Variants in TAFA1 observed in about 807,000 individuals in gnomAD.
TAFA1 encodes chemokine-like protein TAFA-1.
Under a neutral mutation model 18.5 loss-of-function variants are expected in TAFA1, and 4 were observed. The ratio of observed to expected loss-of-function variants is 0.22; its 90% CI spans 0.11 to 0.49. TAFA1 has a LOEUF of 0.49. Ranked by LOEUF, TAFA1 falls within the 20% of genes least tolerant of loss-of-function variation. The pLI is 0.98. For synonymous variants in TAFA1, 56 were observed against 55.2 expected, an observed-to-expected ratio of 1.01 and a Z score of -0.06; for missense variants, 147 against 169.0, an observed-to-expected ratio of 0.87 and a Z score of 0.72.
chr3:68,174,197 G>A (rs568684811), intron 2 of TAFA1, among the ~76,000 whole-genome samples: 1 of 152,192 alleles, frequency 6.6e-6, no homozygotes, highest in Non-Finnish European at 1.5e-5. Flanking sequence ...CTGAAAAATG[G>A]TGGTTGGTAT....
At chr3:68,325,775 T>C (rs2068767042) in intron 2 of TAFA1, among the ~76,000 whole-genome samples, 1 of 152,194 alleles carries the variant, frequency 6.6e-6, no homozygotes, top group Non-Finnish European at 1.5e-5. Context: ...AAATTCTTCA[T>C]AAGCTTATTC....
intron 2 of TAFA1, chr3:68,145,671 T>C: frequency 1.1e-6 from 1 of 929,758 alleles, no homozygotes; most frequent in Non-Finnish European, 1.8e-6. Flanking sequence ...TTCAGAATCC[T>C]GTATACTGAC....
intron 3 of TAFA1, among the ~76,000 whole-genome samples, chr3:68,464,220 A>G (rs1275095232): frequency 1.3e-5 from 2 of 152,178 alleles, no homozygotes; most frequent in African/African-American, 2.4e-5. Context: ...AAACAGACAA[A>G]ACCCTGGCTC....
chr3:68,127,994 T>C (rs971650425), intron 2 of TAFA1, among the ~76,000 whole-genome samples: 8 of 152,064 alleles, frequency 5.3e-5, no homozygotes, highest in Non-Finnish European at 1.2e-4. Context: ...ATGGTATTGG[T>C]AATAATAATG....
At chr3:68,300,146 T>C (rs1165881575) in intron 2 of TAFA1, among the ~76,000 whole-genome samples, 1 of 152,108 alleles carries the variant, frequency 6.6e-6, no homozygotes, top group Non-Finnish European at 1.5e-5. Context: ...GGGAAAGTCA[T>C]AGGTACTCAA....
At chr3:68,526,304 C>A (rs999588032) in intron 3 of TAFA1, among the ~76,000 whole-genome samples, 4 of 152,086 alleles carry the variant, frequency 2.6e-5, no homozygotes, top group Non-Finnish European at 5.9e-5. Flanking sequence ...CTGACAAAGT[C>A]TTTTTCAGTG....
chr3:68,348,053 T>C (rs996037842), intron 2 of TAFA1, among the ~76,000 whole-genome samples: 2 of 152,098 alleles, frequency 1.3e-5, no homozygotes, highest in African/African-American at 4.8e-5. Flanking sequence ...TCAGAGCCTT[T>C]TCATACCTTA....
intron 3 of TAFA1, among the ~76,000 whole-genome samples, chr3:68,531,061 T>G (rs1264581461): frequency 9.4e-6 from 1 of 106,260 alleles, no homozygotes; most frequent in East Asian, 2.3e-4. Flanking sequence ...AAACATGGAT[T>G]TGGTGGGGAA....
chr3:68,500,144 A>G (rs1050296736), intron 3 of TAFA1, among the ~76,000 whole-genome samples: 18 of 151,990 alleles, frequency 1.2e-4, no homozygotes, highest in African/African-American at 4.1e-4. Flanking sequence ...TTGAGTGCCA[A>G]TGGAGGAAAT....
chr3:68,149,183 A>C (rs2065777703), intron 2 of TAFA1, among the ~76,000 whole-genome samples: 1 of 152,156 alleles, frequency 6.6e-6, no homozygotes, highest in South Asian at 2.1e-4. Context: ...TTAATAGTTA[A>C]ATTTTCCCTA....
intron 2 of TAFA1, among the ~76,000 whole-genome samples, chr3:68,258,172 T>A (rs2107185006): frequency 6.6e-6 from 1 of 152,318 alleles, no homozygotes; most frequent in Middle Eastern, 3.4e-3. Flanking sequence ...TTTTGACAAA[T>A]GTGCTGTGGT....
At chr3:68,189,417 C>A (rs1173266479) in intron 2 of TAFA1, among the ~76,000 whole-genome samples, 1 of 151,814 alleles carries the variant, frequency 6.6e-6, no homozygotes, top group Non-Finnish European at 1.5e-5. Flanking sequence ...TGGCTCTGTA[C>A]ACCCTGCTTA....
At chr3:68,201,865 G>T (rs936462964) in intron 2 of TAFA1, among the ~76,000 whole-genome samples, 4 of 151,664 alleles carry the variant, frequency 2.6e-5, no homozygotes, top group Admixed American at 1.3e-4. Context: ...TTTGTGCTGT[G>T]CCATAACACG....
chr3:68,470,006 C>G (rs1258054882), intron 3 of TAFA1, among the ~76,000 whole-genome samples: 2 of 152,166 alleles, frequency 1.3e-5, no homozygotes, highest in African/African-American at 4.8e-5. Flanking sequence ...CCATCCAAAT[C>G]TCACCTTGAA....
At chr3:68,423,941 A>G (rs1575854009) in intron 3 of TAFA1, among the ~76,000 whole-genome samples, 1 of 152,136 alleles carries the variant, frequency 6.6e-6, no homozygotes, top group East Asian at 1.9e-4. Context: ...ACTGATTACT[A>G]GCAACCTTCA....
intron 2 of TAFA1, among the ~76,000 whole-genome samples, chr3:68,310,722 A>G (rs913135656): frequency 3.3e-5 from 5 of 152,208 alleles, no homozygotes; most frequent in African/African-American, 9.6e-5. Context: ...ATTTGAAATA[A>G]TCATGCTGTT....
intron 2 of TAFA1, among the ~76,000 whole-genome samples, chr3:68,026,787 A>G (rs1330778398): frequency 6.6e-6 from 1 of 152,190 alleles, no homozygotes; most frequent in Non-Finnish European, 1.5e-5. Flanking sequence ...AAAAGAGTAC[A>G]CAGTTACCTC....
intron 2 of TAFA1, among the ~76,000 whole-genome samples, chr3:68,106,611 A>C (rs1341816042): frequency 1.3e-5 from 2 of 152,142 alleles, no homozygotes; most frequent in Non-Finnish European, 2.9e-5. Context: ...GAATACAAAA[A>C]TCTATGCTTT....
intron 2 of TAFA1, among the ~76,000 whole-genome samples, chr3:68,395,376 G>A (rs1040205153): frequency 6.6e-6 from 1 of 152,096 alleles, no homozygotes; most frequent in African/African-American, 2.4e-5. Context: ...TGTGGGAAAT[G>A]GTGTGGCCAT....
Sources: allele counts gnomAD v4.1 joint callset (sites outside exome capture counted in the v4.1 genomes callset), GRCh38; gene constraint gnomAD v4.1.1; transcripts MANE v1.5; gene names NCBI Gene and HGNC (gene_info 2026-07-23, HGNC 2026-07-21).